The following RBFOX1 variants were observed in gnomAD, a reference collection of about 807,000 sequenced individuals.
The protein encoded by RBFOX1 is RNA binding protein fox-1 homolog 1.
A neutral mutation model predicts 57.7 loss-of-function variants in RBFOX1; 8 were observed. The ratio of observed to expected loss-of-function variants is 0.14; its 90% CI spans 0.08 to 0.25. The LOEUF is 0.25. Among genes scored for constraint, RBFOX1 ranks in the 10% least tolerant of loss-of-function variants. RBFOX1 has a pLI of 1.00. For missense variants in RBFOX1, 611 were observed against 548.5 expected (o/e 1.11, Z -1.14); for synonymous variants, 326 against 222.4 (o/e 1.47, Z -4.15).
chr16:7,006,919 C>G (rs1029978031), intron 3 of RBFOX1, among the ~76,000 whole-genome samples: 7 of 152,190 alleles, frequency 4.6e-5, no homozygotes, highest in Non-Finnish European at 5.9e-5. Context: ...TATGGACGCA[C>G]CGTCTTGTCT....
intron 3 of RBFOX1, among the ~76,000 whole-genome samples, chr16:6,893,314 C>G (rs117085414): frequency 0.012 from 1,883 of 152,230 alleles, 21 homozygotes; most frequent in Non-Finnish European, 0.02. Flanking sequence ...AAGAAAGCCC[C>G]TAGAGATCAA....
intron 4 of RBFOX1, among the ~76,000 whole-genome samples, chr16:7,439,082 CTCAG>C (rs2098745380): frequency 6.6e-6 from 1 of 152,198 alleles, no homozygotes; most frequent in South Asian, 2.1e-4. Flanking sequence ...TCTGTGCACT[CTCAG>C]TGTGCACAGA....
chr16:6,837,174 A>G (rs149149790), intron 3 of RBFOX1, among the ~76,000 whole-genome samples: 4 of 152,342 alleles, frequency 2.6e-5, no homozygotes, highest in Non-Finnish European at 4.4e-5. Context: ...CTGAGTTTAA[A>G]TAACTAAAAT....
At chr16:5,798,712 A>G (rs781722564) in intron 3 of RBFOX1, among the ~76,000 whole-genome samples, 1 of 152,118 alleles carries the variant, frequency 6.6e-6, no homozygotes, top group Non-Finnish European at 1.5e-5. Flanking sequence ...AACATTTGCT[A>G]CTCGTTCCAC....
intron 1 of RBFOX1, among the ~76,000 whole-genome samples, chr16:5,369,820 G>GA (rs1246030841): frequency 6.6e-6 from 1 of 152,108 alleles, no homozygotes; most frequent in Admixed American, 6.5e-5. Flanking sequence ...TTAAAATAAT[G>GA]AAATATATTA....
Position 6,309,520 on chromosome 16 carries a change from G to A in RBFOX1, c.-126-7475G>A, listed in dbSNP as rs142209965. 1.4e-3 allele frequency among the ~76,000 whole-genome samples: 215 copies of A among 152,276 alleles called. 1 individual carries two copies. Among genetic ancestry groups the A allele is most frequent in the African/African-American group, 3.6e-3 (151 of 41,568 alleles). ...GGAAGCGGAGCTGGTGGCAGAGTGC[G>A]CCTGACAGGAGGCTCATGCCAGCCC... On this transcript the variant is annotated intron_variant, in intron 1 of 15. Transcript: ENST00000550418.
At chr16:6,608,608 G>T (rs1195149375) in intron 2 of RBFOX1, among the ~76,000 whole-genome samples, 1 of 152,116 alleles carries the variant, frequency 6.6e-6, no homozygotes, top group Non-Finnish European at 1.5e-5. Flanking sequence ...GGGCAACATG[G>T]CAAGACCCCA....
intron 1 of RBFOX1, among the ~76,000 whole-genome samples, chr16:5,340,318 A>G (rs977693660): frequency 2.0e-5 from 3 of 152,188 alleles, no homozygotes; most frequent in South Asian, 2.1e-4. Flanking sequence ...TTTCAGAGCT[A>G]TTTCCTCACA....
chr16:6,085,650 TTGTGTGTGTGTGTG>T, intron 1 of RBFOX1, among the ~76,000 whole-genome samples: 1 of 150,592 alleles, frequency 6.6e-6, no homozygotes, highest in Middle Eastern at 3.4e-3. Context: ...CAGTGTGTGT[TTGTGTGTGTGTGTG>T]TGTGTCTGTG....
Position 6,935,897 on chromosome 16 carries a change from A to T in RBFOX1, c.-15-116160A>T, listed in dbSNP as rs115759537. Among the ~76,000 whole-genome samples, 1,308 of 152,214 alleles carry T rather than the reference A, an allele frequency of 8.6e-3. 26 individuals are homozygous for T. Among genetic ancestry groups the T allele is most frequent in the African/African-American group, 0.03 (1,266 of 41,512 alleles). On this transcript the variant is annotated intron_variant, in intron 3 of 15. Coordinates refer to ENST00000550418, the MANE Select transcript of RBFOX1 (RefSeq NM_018723.4). The stretch of plus-strand genomic sequence containing the variant: ...GATGCTAGCCTGCACATCGGTTGCT[A>T]ATGGAACCCTTGGGTTTGTGTGACT...
At chr16:7,608,700 T>C (rs1260239774) in intron 10 of RBFOX1, among the ~76,000 whole-genome samples, 3 of 152,244 alleles carry the variant, frequency 2.0e-5, no homozygotes, top group African/African-American at 4.8e-5. Context: ...TGCCTCAGTT[T>C]CCTCATCTAT....
chr16:5,649,508 A>G (rs892199275), intron 3 of RBFOX1, among the ~76,000 whole-genome samples: 8 of 152,174 alleles, frequency 5.3e-5, no homozygotes, highest in African/African-American at 1.9e-4. Flanking sequence ...ACCACCCCAC[A>G]TTGGCAGTTG....
intron 1 of RBFOX1, among the ~76,000 whole-genome samples, chr16:6,096,163 A>G (rs2096243102): frequency 6.6e-6 from 1 of 152,230 alleles, no homozygotes; most frequent in Admixed American, 6.5e-5. Context: ...TTATTGTGGC[A>G]TAGTTATTTA....
At chr16:6,711,159 A>G (rs2063642350) in intron 3 of RBFOX1, among the ~76,000 whole-genome samples, 1 of 152,192 alleles carries the variant, frequency 6.6e-6, no homozygotes, top group South Asian at 2.1e-4. Context: ...GAATTTATCC[A>G]GAATTGTATT....
chr16:6,893,597 C>G (rs148501282), intron 3 of RBFOX1, among the ~76,000 whole-genome samples: 80 of 152,248 alleles, frequency 5.3e-4, no homozygotes, highest in Admixed American at 3.1e-3. Flanking sequence ...AATCTCCTCT[C>G]CAGTTTTTAT....
chr16:5,545,300 A>T (rs201051162), intron 2 of RBFOX1, among the ~76,000 whole-genome samples: 1 of 11,788 alleles, frequency 8.5e-5, no homozygotes, highest in Non-Finnish European at 2.2e-4. Context: ...AACAAATATT[A>T]AAGAAATAAT....
intron 5 of RBFOX1, among the ~76,000 whole-genome samples, chr16:7,572,250 C>T (rs139964742): frequency 4.7e-4 from 72 of 152,256 alleles, no homozygotes; most frequent in African/African-American, 1.6e-3. Context: ...GCATCCAGGA[C>T]AAGTATACAT....
chr16:5,613,054 A>C (rs2047880901), intron 3 of RBFOX1, among the ~76,000 whole-genome samples: 1 of 152,162 alleles, frequency 6.6e-6, no homozygotes, highest in Admixed American at 6.5e-5. Context: ...GACTAAGGCT[A>C]GGGGAGGGCC....
chr16:5,625,062 T>A (rs1350979876), intron 3 of RBFOX1, among the ~76,000 whole-genome samples: 1 of 152,158 alleles, frequency 6.6e-6, no homozygotes, highest in Non-Finnish European at 1.5e-5. Flanking sequence ...CTATTTAAAA[T>A]GGGATTCAGG....
Sources: allele counts gnomAD v4.1 joint callset (sites outside exome capture counted in the v4.1 genomes callset), GRCh38; gene constraint gnomAD v4.1.1; transcripts MANE v1.5; gene names NCBI Gene and HGNC (gene_info 2026-07-23, HGNC 2026-07-21).